PSMD4: variants seen among roughly 807,000 people sequenced by gnomAD.
PSMD4 encodes the protein 26S proteasome non-ATPase regulatory subunit 4.
Under a neutral mutation model 39.7 loss-of-function variants are expected in PSMD4, and 5 were observed. That is an observed-to-expected ratio of 0.13 (90% CI 0.07 to 0.26). The LOEUF is 0.26. Ranked by LOEUF, PSMD4 falls within the 10% of genes least tolerant of loss-of-function variation. The probability of loss-of-function intolerance (pLI) is 1.00; values close to 1 mark genes in which losing one functional copy is unlikely to be tolerated. For synonymous variants in PSMD4, 143 were observed against 174.6 expected, an observed-to-expected ratio of 0.82 and a Z score of 1.43; for missense variants, 272 against 486.1, an observed-to-expected ratio of 0.56 and a Z score of 4.14.
intron 9 of PSMD4, 76 bp downstream of exon 9, chr1:151,266,663 T>C: frequency 6.6e-7 from 1 of 1,515,512 alleles, no homozygotes; most frequent in Non-Finnish European, 9.1e-7. Context: ...CTGGGAGTAT[T>C]TCTACCATAG....
At position 151,256,540 on chromosome 1, in the gene PSMD4, G is replaced by C. The variant is rs587727300; in HGVS notation, c.26+1732G>C. Among the ~76,000 whole-genome samples the C allele has an allele frequency of 4.1e-4, 61 of 149,164 alleles. No homozygotes were observed. The Middle Eastern group carries it at 0.01, about 26-fold the overall frequency. ...TGCAACCTCCGCCTCCCTGGTTCAA[G>C]TGATTCTCCTGCCTCAGCCTCCTGA... On this transcript the variant is annotated intron_variant, in intron 1 of 9. Transcript: ENST00000368884.
intron 3 of PSMD4, 78 bp downstream of exon 3, chr1:151,264,106 A>G: frequency 8.8e-7 from 1 of 1,135,714 alleles, no homozygotes. Flanking sequence ...TCTCCCCTGG[A>G]ATCCTGAGCT....
chr1:151,254,918 C>A, intron 1 of PSMD4, 110 bp downstream of exon 1: 1 of 1,334,442 alleles, frequency 7.5e-7, no homozygotes, highest in Non-Finnish European at 9.8e-7. Flanking sequence ...CGAGAGGCGG[C>A]CCTGGCCCCG....
At chr1:151,255,745 G>T in intron 1 of PSMD4, among the ~76,000 whole-genome samples, 1 of 151,460 alleles carries the variant, frequency 6.6e-6, no homozygotes, top group Non-Finnish European at 1.5e-5. Context: ...ATTTTTTTTT[G>T]AGACGGTCTC....
At position 151,266,408 on chromosome 1, in the gene PSMD4, T is replaced by C; in HGVS notation, c.864T>C (p.Ala288=). The C allele has an allele frequency of 6.2e-7, 1 of 1,614,224 alleles. No homozygotes were observed. Among genetic ancestry groups the C allele is most frequent in the South Asian group, 1.1e-5 (1 of 91,088 alleles). ...LSSMTEEEQI[A]YAMQMSLQGA... is the part of the protein sequence containing the mutation. ...GTATGACTGAGGAAGAGCAGATTGC[T>C]TATGCCATGCAGATGTCCCTGCAGG... The change falls in exon 8 of 10, where the codon GCT becomes GCC. Residue 288 remains alanine (A), a synonymous_variant. Transcript: ENST00000368884.
intron 1 of PSMD4, among the ~76,000 whole-genome samples, chr1:151,261,933 T>G (rs1693329153): frequency 7.4e-6 from 1 of 134,926 alleles, no homozygotes. Context: ...CCAGCCTGAG[T>G]GACAGAGCAA....
intron 2 of PSMD4, 34 bp from the exon 3 acceptor site, chr1:151,263,880 C>G (rs1350202982): frequency 1.4e-6 from 2 of 1,424,198 alleles, no homozygotes; most frequent in African/African-American, 2.9e-5. Flanking sequence ...TTGTGCTGAC[C>G]TGAATTCACT....
intron 1 of PSMD4, among the ~76,000 whole-genome samples, chr1:151,255,038 C>T (rs587751981): frequency 7.9e-5 from 12 of 152,344 alleles, no homozygotes; most frequent in Admixed American, 2.6e-4. Context: ...CTGGTCATTC[C>T]TGCTTCCTTT....
At chr1:151,258,341 C>G (rs1693226080) in intron 1 of PSMD4, among the ~76,000 whole-genome samples, 1 of 151,060 alleles carries the variant, frequency 6.6e-6, no homozygotes, top group Non-Finnish European at 1.5e-5. Flanking sequence ...GTATTTTATT[C>G]TTTTTGTGGC....
Position 151,254,762 on chromosome 1 carries a change from G to C in PSMD4, c.-21G>C. 6.4e-7 allele frequency: 1 copy of C among 1,559,402 alleles called. No individual in the cohort carries two copies. The highest frequency in any genetic ancestry group is 1.2e-5 in the South Asian group (1 of 84,518). On this transcript the variant is annotated 5_prime_UTR_variant, in exon 1 of 10. Transcript: ENST00000368884. ...GTTAGGCCGTCCCGGAGACCCGGTC[G>C]GGAGGGAGGAAGGTGGCAAGATGGT...
At chr1:151,264,447 C>G (rs1271973784) in intron 3 of PSMD4, among the ~76,000 whole-genome samples, 1 of 151,794 alleles carries the variant, frequency 6.6e-6, no homozygotes, top group East Asian at 1.9e-4. Context: ...CGAGACCAAT[C>G]TGGCCAACGT....
At chr1:151,260,758 A>C (rs941251428) in intron 1 of PSMD4, among the ~76,000 whole-genome samples, 1 of 152,002 alleles carries the variant, frequency 6.6e-6, no homozygotes, top group Non-Finnish European at 1.5e-5. Context: ...GCTGGTCTCA[A>C]ACTCCTGAGC....
At chr1:151,266,205 C>T in intron 7 of PSMD4, 93 bp downstream of exon 7, 4 of 1,593,748 alleles carry the variant, frequency 2.5e-6, no homozygotes, top group South Asian at 2.3e-5. Flanking sequence ...GGAGGTCTGA[C>T]AGGGTAGGAA....
chr1:151,265,727 T>G (rs926971990), intron 6 of PSMD4, 118 bp downstream of exon 6: 11 of 1,152,268 alleles, frequency 9.5e-6, no homozygotes, highest in Admixed American at 2.4e-5. Context: ...TCACTCATTT[T>G]CCAAGACCTC....
At chr1:151,265,941 CTT>C in intron 6 of PSMD4, 61 bp from the exon 7 acceptor site, 1 of 1,507,442 alleles carries the variant, frequency 6.6e-7, no homozygotes, top group Non-Finnish European at 8.8e-7. Context: ...CCCCAACTGA[CTT>C]TCCCAGCTCC....
intron 3 of PSMD4, among the ~76,000 whole-genome samples, 190 bp from the exon 4 acceptor site, chr1:151,264,642 C>T (rs183548028): frequency 3.3e-5 from 5 of 152,020 alleles, no homozygotes; most frequent in Admixed American, 6.6e-5. Flanking sequence ...GAGAATTAAC[C>T]TCCCTTCTTT....
chr1:151,261,220 T>C (rs1198145102), intron 1 of PSMD4, among the ~76,000 whole-genome samples: 2 of 150,206 alleles, frequency 1.3e-5, no homozygotes, highest in African/African-American at 4.9e-5. Flanking sequence ...TTTGCTCTTG[T>C]TGCCCAGGCT....
intron 1 of PSMD4, 141 bp downstream of exon 1, chr1:151,254,949 C>G (rs1324782221): frequency 2.8e-6 from 3 of 1,061,512 alleles, no homozygotes; most frequent in Non-Finnish European, 2.6e-6. Flanking sequence ...GCCCGCTGGA[C>G]TCCCTGAGTC....
intron 1 of PSMD4, among the ~76,000 whole-genome samples, chr1:151,260,826 C>G (rs920895561): frequency 2.0e-5 from 3 of 151,758 alleles, no homozygotes; most frequent in African/African-American, 7.3e-5. Context: ...TGTGAGCCAC[C>G]ATGCCTGGCC....
Sources: gnomAD v4.1 joint callset for allele counts (sites outside exome capture counted in the v4.1 genomes callset) on GRCh38, gnomAD v4.1.1 for gene constraint, MANE v1.5 for transcripts, NCBI Gene and HGNC (gene_info 2026-07-23, HGNC 2026-07-21) for gene names.